The following DSCAM variants were observed in gnomAD, a reference collection of about 807,000 sequenced individuals.
DSCAM encodes DS cell adhesion molecule, also known as cell adhesion molecule DSCAM.
In DSCAM, 47 loss-of-function variants were observed where a neutral mutation model predicts 217.7. That is an observed-to-expected ratio of 0.22 (90% CI 0.17 to 0.28). The LOEUF is 0.28. Ranked by LOEUF, DSCAM falls within the 10% of genes least tolerant of loss-of-function variation. The pLI is 1.00. For missense variants in DSCAM, 2,080 were observed against 2,618.3 expected (o/e 0.79, Z 4.49); for synonymous variants, 1,056 against 1,015.3 (o/e 1.04, Z -0.76).
chr21:40,525,943 A>G (rs1423094825), intron 3 of DSCAM, among the ~76,000 whole-genome samples: 1 of 152,000 alleles, frequency 6.6e-6, no homozygotes, highest in Non-Finnish European at 1.5e-5. Flanking sequence ...GATCATTTGA[A>G]GTGTACTGTA....
chr21:40,577,460 C>CA (rs1361907309), intron 3 of DSCAM, among the ~76,000 whole-genome samples: 1 of 152,000 alleles, frequency 6.6e-6, no homozygotes, highest in African/African-American at 2.4e-5. Context: ...GGTGGCGCCC[C>CA]CCTCCGAGCC....
chr21:40,532,922 G>A lies in DSCAM; in HGVS notation c.508+159888C>T, dbSNP rs118004906. ...TGTGTGTGTGTGTGCACACGCACGC[G>A]CATGTGCGCATATGTGCTTTTGGGC... On this transcript the variant is annotated intron_variant, in intron 3 of 32. Coordinates refer to ENST00000400454, the MANE Select transcript of DSCAM (RefSeq NM_001389.5). 0.016 allele frequency among the ~76,000 whole-genome samples: 2,381 copies of A among 150,302 alleles called. 130 individuals carry two copies. The East Asian group carries it at 0.18, about 11-fold the overall frequency.
rs184536897 is a variant in DSCAM, at chr21:40,637,086, A to G, written c.508+55724T>C. On this transcript the variant is annotated intron_variant, in intron 3 of 32. Coordinates refer to ENST00000400454, the MANE Select transcript of DSCAM (RefSeq NM_001389.5). Reference sequence around the variant, plus strand: ...CATAAAGGTTGGGTATTTTTCAAAAATAGAAGGAGGCCCTTCTCATTCATA... The same window carrying G: ...CATAAAGGTTGGGTATTTTTCAAAAGTAGAAGGAGGCCCTTCTCATTCATA... Among the ~76,000 whole-genome samples the G allele has an allele frequency of 8.6e-5, 11 of 128,396 alleles. No homozygotes were observed. In the East Asian group the frequency reaches 2.3e-3, roughly 27 times the overall value. 84.2% of individuals were successfully genotyped at this position (128,396 alleles called of 152,430 possible).
rs545953225 is a variant in DSCAM at position 40,202,201 on chromosome 21, C to T, written c.2357-12963G>A. The stretch of plus-strand genomic sequence containing the variant: ...TGGGAGCTGGGGGGTGGATTCCACC[C>T]CCGCCACCCTTCACTCTTATATTCA... On this transcript the variant is annotated intron_variant, in intron 11 of 32. Coordinates refer to ENST00000400454, the MANE Select transcript of DSCAM (RefSeq NM_001389.5). 3.5e-4 allele frequency among the ~76,000 whole-genome samples: 54 copies of T among 152,272 alleles called. No individual in the cohort carries two copies. In the South Asian group the frequency reaches 6.8e-3, roughly 19 times the overall value.
Position 40,368,094 on chromosome 21 carries a change from A to G in DSCAM, c.655+1005T>C, listed in dbSNP as rs78749909. 3.2e-3 allele frequency among the ~76,000 whole-genome samples: 482 copies of G among 152,326 alleles called. 1 individual carries two copies. The highest frequency in any genetic ancestry group is 0.01 in the African/African-American group (434 of 41,574). On this transcript the variant is annotated intron_variant, in intron 4 of 32. Coordinates refer to ENST00000400454, the MANE Select transcript of DSCAM (RefSeq NM_001389.5). ...CTCTTAGATCATCACCACTTATGTC[A>G]TCATTTGGAGGGAGAAATGCTTATT...
chr21:40,670,388 A>T lies in DSCAM; in HGVS notation c.508+22422T>A, dbSNP rs76207445. Among the ~76,000 whole-genome samples, 4 of 145,062 alleles carry T rather than the reference A, an allele frequency of 2.8e-5. No homozygotes were observed. The South Asian group carries it at 9.0e-4, about 33-fold the overall frequency. On this transcript the variant is annotated intron_variant, in intron 3 of 32. Coordinates refer to ENST00000400454, the MANE Select transcript of DSCAM (RefSeq NM_001389.5). ...TCATCTCTACTAAAACAAAAAAAAA[A>T]TTAGCTGGGTGTGGTGGCGTGTGCC...
At chr21:40,688,052 T>C (rs2090501230) in intron 3 of DSCAM, among the ~76,000 whole-genome samples, 1 of 152,200 alleles carries the variant, frequency 6.6e-6, no homozygotes, top group South Asian at 2.1e-4. Flanking sequence ...TCCTTCGACC[T>C]GAACTCAATG....
rs2075969168 is a variant in DSCAM at position 40,480,042 on chromosome 21, T to G, written c.509-110797A>C. On this transcript the variant is annotated intron_variant, in intron 3 of 32. Transcript: ENST00000400454. ...AAACTAAATATTGTGCCACAATATT[T>G]TACCCCCAAACTCAGTCAGCTGTGA... Among the ~76,000 whole-genome samples, 3 of 152,144 alleles carry G rather than the reference T, an allele frequency of 2.0e-5. No homozygotes were observed. In the South Asian group the frequency reaches 6.2e-4, roughly 32 times the overall value.
chr21:40,360,715 T>C (rs980575525), intron 4 of DSCAM, among the ~76,000 whole-genome samples: 2 of 152,206 alleles, frequency 1.3e-5, no homozygotes, highest in Non-Finnish European at 2.9e-5. Context: ...AATCTACCAT[T>C]GATGGACACC....
At chr21:40,154,180 T>TCTTCCTTC (rs138672399) in intron 16 of DSCAM, among the ~76,000 whole-genome samples, 6 of 149,870 alleles carry the variant, frequency 4.0e-5, no homozygotes, top group Non-Finnish European at 7.4e-5. Flanking sequence ...TCTCCTTTCT[T>TCTTCCTTC]CTTCCTTCCT....
chr21:40,391,974 G>A (rs1408363663), intron 3 of DSCAM, among the ~76,000 whole-genome samples: 11 of 152,196 alleles, frequency 7.2e-5, no homozygotes, highest in Admixed American at 7.2e-4. Flanking sequence ...AGAGCATGGA[G>A]TTCGGGCTGT....
chr21:40,067,452 T>C (rs757452455), intron 27 of DSCAM, among the ~76,000 whole-genome samples: 3 of 152,214 alleles, frequency 2.0e-5, no homozygotes, highest in Non-Finnish European at 2.9e-5. Context: ...TGGAACCCCA[T>C]GACAGCTTCC....
chr21:40,238,131 G>T (rs1242663713), intron 11 of DSCAM, among the ~76,000 whole-genome samples: 1 of 152,150 alleles, frequency 6.6e-6, no homozygotes, highest in Non-Finnish European at 1.5e-5. Flanking sequence ...GGTAGAATCT[G>T]AGGATTTTTT....
At chr21:40,092,675 G>A (rs1167980093) in intron 21 of DSCAM, among the ~76,000 whole-genome samples, 1 of 152,062 alleles carries the variant, frequency 6.6e-6, no homozygotes, top group African/African-American at 2.4e-5. Flanking sequence ...GTTTGTTTTT[G>A]TTGTTTTTTT....
At chr21:40,080,847 C>T (rs1165940405) in intron 24 of DSCAM, among the ~76,000 whole-genome samples, 1 of 152,158 alleles carries the variant, frequency 6.6e-6, no homozygotes, top group African/African-American at 2.4e-5. Context: ...TTGCAGCCAT[C>T]CCACTATTCT....
At chr21:40,267,649 C>A (rs1408606213) in intron 11 of DSCAM, among the ~76,000 whole-genome samples, 1 of 152,174 alleles carries the variant, frequency 6.6e-6, no homozygotes, top group South Asian at 2.1e-4. Context: ...GTAATCCCAA[C>A]ATTTTGGGAG....
intron 10 of DSCAM, among the ~76,000 whole-genome samples, chr21:40,280,181 C>CTTTTTTT (rs3988427): frequency 8.4e-6 from 1 of 118,952 alleles, no homozygotes; most frequent in Non-Finnish European, 1.6e-5. Context: ...ATTTTGGTGC[C>CTTTTTTT]TTTTTTTTTT....
Position 40,369,070 on chromosome 21 carries a change from T to C in DSCAM, c.655+29A>G, listed in dbSNP as rs774854533. ...GACACTAACAAAGAAATAGCAGACA[T>C]AGCAGACAGAGTCTTGATAAGTTTT... On this transcript the variant is annotated intron_variant, in intron 4 of 32. Coordinates refer to ENST00000400454, the MANE Select transcript of DSCAM (RefSeq NM_001389.5). 9 of 1,581,688 alleles carry C rather than the reference T, an allele frequency of 5.7e-6. No homozygotes were observed. In the Admixed American group the frequency reaches 7.1e-5, roughly 12 times the overall value.
chr21:40,424,581 C>T (rs2075454788), intron 3 of DSCAM, among the ~76,000 whole-genome samples: 2 of 152,180 alleles, frequency 1.3e-5, no homozygotes, highest in Admixed American at 1.3e-4. Flanking sequence ...AGCTCCAGAA[C>T]TGTGAGAGAA....
Sources: allele counts gnomAD v4.1 joint callset (sites outside exome capture counted in the v4.1 genomes callset), GRCh38; gene constraint gnomAD v4.1.1; transcripts MANE v1.5; gene names NCBI Gene and HGNC (gene_info 2026-07-23, HGNC 2026-07-21).